COL21A1: variants seen among roughly 807,000 people sequenced by gnomAD.
The protein encoded by COL21A1 is collagen alpha-1(XXI) chain.
In COL21A1, 149 loss-of-function variants were observed where a neutral mutation model predicts 137.9. That is an observed-to-expected ratio of 1.08 (90% CI 0.95 to 1.24). COL21A1 has a LOEUF of 1.24. COL21A1 is among the 50% of genes most tolerant of loss of function. COL21A1 has a pLI of 0.00. For missense variants in COL21A1, 1,167 were observed against 1,158.4 expected (o/e 1.01, Z -0.11); for synonymous variants, 456 against 391.5 (o/e 1.16, Z -1.95).
chr6:56,190,116 G>T (rs560330614), intron 1 of COL21A1, among the ~76,000 whole-genome samples: 1 of 152,060 alleles, frequency 6.6e-6, no homozygotes, highest in Non-Finnish European at 1.5e-5. Flanking sequence ...AGGAAATAGA[G>T]ACACAAAAAA....
intron 12 of COL21A1, among the ~76,000 whole-genome samples, chr6:56,133,008 G>A (rs1221198316): frequency 6.6e-6 from 1 of 152,212 alleles, no homozygotes; most frequent in Non-Finnish European, 1.5e-5. Context: ...TTTATCAGCA[G>A]TGTGAAAATG....
In COL21A1 at chr6:56,075,470, TCAACATA is replaced by T; in HGVS notation, c.1911+2_1911+8del. 6.5e-7 allele frequency: 1 copy of T among 1,536,462 alleles called. No individual in the cohort carries two copies. The highest frequency in any genetic ancestry group is 8.8e-7 in the Non-Finnish European group (1 of 1,140,710). On this transcript the variant is annotated splice_donor_variant and splice_donor_5th_base_variant and intron_variant, in intron 19 of 29. Coordinates refer to ENST00000244728, the MANE Select transcript of COL21A1 (RefSeq NM_030820.4). LOFTEE classifies it high-confidence loss of function. ...ACTTTGATGTATGATGATAATGACATCAACATACAGGCATCCCTGGGGCTCCTTTTTT... is the reference window on the plus strand; with the variant it reads ...ACTTTGATGTATGATGATAATGACATCAGGCATCCCTGGGGCTCCTTTTTT...
intron 1 of COL21A1, among the ~76,000 whole-genome samples, chr6:56,392,883 A>G (rs114796698): frequency 2.0e-3 from 312 of 152,266 alleles, no homozygotes; most frequent in African/African-American, 7.2e-3. Flanking sequence ...CCATGTTCAT[A>G]GAGAAGAAGA....
intron 1 of COL21A1, among the ~76,000 whole-genome samples, chr6:56,239,870 T>TG (rs1388106252): frequency 6.6e-6 from 1 of 152,174 alleles, no homozygotes; most frequent in Non-Finnish European, 1.5e-5. Context: ...GATTAAAGCC[T>TG]GGTATGGTTT....
chr6:56,257,899 T>G (rs888805332), intron 1 of COL21A1, among the ~76,000 whole-genome samples: 5 of 152,166 alleles, frequency 3.3e-5, no homozygotes, highest in Non-Finnish European at 7.4e-5. Flanking sequence ...AATTAAAATT[T>G]ATGTTCATTA....
chr6:56,319,877 A>C (rs531092563), intron 1 of COL21A1, among the ~76,000 whole-genome samples: 1 of 152,218 alleles, frequency 6.6e-6, no homozygotes, highest in South Asian at 2.1e-4. Context: ...TAGTTCCTCC[A>C]TTTGAATTTC....
intron 2 of COL21A1, among the ~76,000 whole-genome samples, chr6:56,180,977 CCTGA>C (rs1181971470): frequency 3.3e-5 from 5 of 152,220 alleles, no homozygotes; most frequent in African/African-American, 9.6e-5. Flanking sequence ...TTCCTCTTCA[CCTGA>C]CTAATACTCT....
At chr6:56,060,663 C>G in intron 27 of COL21A1, 78 bp downstream of exon 27, 1 of 1,203,644 alleles carries the variant, frequency 8.3e-7, no homozygotes, top group East Asian at 2.4e-5. Context: ...CACTTATATC[C>G]TCTACAATAT....
intron 17 of COL21A1, among the ~76,000 whole-genome samples, chr6:56,097,473 T>C (rs1267344755): frequency 6.6e-6 from 1 of 151,870 alleles, no homozygotes; most frequent in Non-Finnish European, 1.5e-5. Context: ...AGTCACTGTG[T>C]TTCCCTCACC....
intron 16 of COL21A1, among the ~76,000 whole-genome samples, chr6:56,103,142 A>C (rs1426112961): frequency 6.6e-6 from 1 of 152,306 alleles, no homozygotes; most frequent in African/African-American, 2.4e-5. Context: ...ACCAGGCAAG[A>C]TCAACTTCTT....
At chr6:56,235,276 A>G (rs915716798) in intron 1 of COL21A1, among the ~76,000 whole-genome samples, 1 of 151,966 alleles carries the variant, frequency 6.6e-6, no homozygotes, top group Non-Finnish European at 1.5e-5. Flanking sequence ...CTGAAGTTTA[A>G]AAACAATTGT....
At chr6:56,157,749 C>A (rs964670034) in intron 9 of COL21A1, among the ~76,000 whole-genome samples, 4 of 152,242 alleles carry the variant, frequency 2.6e-5, no homozygotes, top group African/African-American at 9.6e-5. Flanking sequence ...ACTATCATTT[C>A]TTTCAATCCT....
At chr6:56,172,420 T>C (rs1036444318) in intron 3 of COL21A1, among the ~76,000 whole-genome samples, 2 of 152,158 alleles carry the variant, frequency 1.3e-5, no homozygotes, top group Admixed American at 6.5e-5. Flanking sequence ...AAGAATGCTA[T>C]GTCTGGCAGA....
intron 1 of COL21A1, among the ~76,000 whole-genome samples, chr6:56,337,205 T>C (rs1461624333): frequency 6.6e-6 from 1 of 152,140 alleles, no homozygotes; most frequent in Non-Finnish European, 1.5e-5. Flanking sequence ...TTCTGGACAA[T>C]GAACCTTTTT....
chr6:56,359,365 A>G (rs1307033839), intron 1 of COL21A1, among the ~76,000 whole-genome samples: 1 of 152,156 alleles, frequency 6.6e-6, no homozygotes, highest in Non-Finnish European at 1.5e-5. Context: ...GGCCCCTTCA[A>G]AATGAACTAT....
At chr6:56,314,749 G>T (rs1176173742) in intron 1 of COL21A1, among the ~76,000 whole-genome samples, 2 of 152,156 alleles carry the variant, frequency 1.3e-5, no homozygotes, top group African/African-American at 4.8e-5. Flanking sequence ...CCCACGAGAA[G>T]AAATAGAAAC....
At chr6:56,146,259 T>C (rs1366931603) in intron 10 of COL21A1, among the ~76,000 whole-genome samples, 1 of 152,156 alleles carries the variant, frequency 6.6e-6, no homozygotes, top group Non-Finnish European at 1.5e-5. Flanking sequence ...TTCAAAGATT[T>C]CCAAAATTCC....
intron 1 of COL21A1, among the ~76,000 whole-genome samples, chr6:56,217,220 A>T (rs1332241811): frequency 6.6e-6 from 1 of 152,120 alleles, no homozygotes; most frequent in Non-Finnish European, 1.5e-5. Context: ...AGTTCCAGTG[A>T]ATGGTGTCCT....
At chr6:56,066,244 T>C (rs890972950) in intron 23 of COL21A1, among the ~76,000 whole-genome samples, 1 of 151,966 alleles carries the variant, frequency 6.6e-6, no homozygotes, top group African/African-American at 2.4e-5. Context: ...CGATAAAAAT[T>C]GTCTAAAAAA....
Sources: allele counts gnomAD v4.1 joint callset (sites outside exome capture counted in the v4.1 genomes callset), GRCh38; gene constraint gnomAD v4.1.1; transcripts MANE v1.5; gene names NCBI Gene and HGNC (gene_info 2026-07-23, HGNC 2026-07-21).